Variants in CATSPERB observed in about 807,000 individuals in gnomAD.
CATSPERB encodes the protein catsper channel auxiliary subunit beta.
Under a neutral mutation model 128.3 loss-of-function variants are expected in CATSPERB, and 93 were observed. The ratio of observed to expected loss-of-function variants is 0.72; its 90% CI spans 0.61 to 0.86. The LOEUF is 0.86. Among genes scored for constraint, CATSPERB ranks in the 40% least tolerant of loss-of-function variants. The pLI is 0.00. For missense variants in CATSPERB, 1,153 were observed against 1,329.5 expected (o/e 0.87, Z 2.06); for synonymous variants, 381 against 448.8 (o/e 0.85, Z 1.91).
At chr14:91,611,824 G>A (rs1195107675) in intron 20 of CATSPERB, among the ~76,000 whole-genome samples, 1 of 152,022 alleles carries the variant, frequency 6.6e-6, no homozygotes, top group Non-Finnish European at 1.5e-5. Context: ...ACATATATGT[G>A]TCTTACAACA....
At chr14:91,618,165 T>C (rs1893980634) in intron 19 of CATSPERB, among the ~76,000 whole-genome samples, 2 of 152,316 alleles carry the variant, frequency 1.3e-5, no homozygotes, top group African/African-American at 4.8e-5. Context: ...GCCATGGCAT[T>C]TGTAAACTGT....
chr14:91,634,937 A>G (rs1016705033), intron 17 of CATSPERB, among the ~76,000 whole-genome samples: 1 of 151,792 alleles, frequency 6.6e-6, no homozygotes, highest in Non-Finnish European at 1.5e-5. Context: ...TAAACAGCAG[A>G]AATTTATTTC....
At chr14:91,615,948 C>T (rs1465218813) in intron 20 of CATSPERB, among the ~76,000 whole-genome samples, 2 of 144,656 alleles carry the variant, frequency 1.4e-5, no homozygotes, top group Non-Finnish European at 3.0e-5. Flanking sequence ...GGTGTGATCT[C>T]GGCTCACTGC....
chr14:91,655,056 A>G (rs547574441), intron 15 of CATSPERB, among the ~76,000 whole-genome samples: 27 of 152,372 alleles, frequency 1.8e-4, no homozygotes, highest in Admixed American at 1.6e-3. Context: ...TGGATCTTAC[A>G]TAAGACCACC....
At chr14:91,648,435 C>T (rs1894643652) in intron 15 of CATSPERB, among the ~76,000 whole-genome samples, 1 of 152,136 alleles carries the variant, frequency 6.6e-6, no homozygotes, top group African/African-American at 2.4e-5. Flanking sequence ...ATCTTAATTC[C>T]TCTACATGGA....
chr14:91,684,679 A>T (rs1378717299), intron 10 of CATSPERB, among the ~76,000 whole-genome samples: 1 of 150,092 alleles, frequency 6.7e-6, no homozygotes, highest in Non-Finnish European at 1.5e-5. Context: ...CAGTAGCACA[A>T]TTTCGGCTCA....
chr14:91,641,305 C>G (rs892639094), intron 15 of CATSPERB, among the ~76,000 whole-genome samples: 1 of 148,236 alleles, frequency 6.7e-6, no homozygotes, highest in Non-Finnish European at 1.5e-5. Flanking sequence ...ACATGAAGTC[C>G]TTGCCCATGC....
intron 5 of CATSPERB, among the ~76,000 whole-genome samples, chr14:91,712,133 T>C (rs1455673339): frequency 6.6e-6 from 1 of 152,136 alleles, no homozygotes; most frequent in Non-Finnish European, 1.5e-5. Context: ...CTCAAATCAA[T>C]TACAGTAAGT....
chr14:91,605,374 T>A, intron 22 of CATSPERB: 1 of 600,966 alleles, frequency 1.7e-6, no homozygotes, highest in Non-Finnish European at 2.9e-6. Context: ...GAAAAAAGGT[T>A]AAGGTGGCTT....
intron 10 of CATSPERB, among the ~76,000 whole-genome samples, chr14:91,685,782 C>A: frequency 6.6e-6 from 1 of 152,154 alleles, no homozygotes; most frequent in East Asian, 1.9e-4. Flanking sequence ...TTAGCACATT[C>A]AGGGAAGGTG....
At chr14:91,610,457 T>C (rs374395155) in intron 21 of CATSPERB, 23 bp downstream of exon 21, 390 of 1,599,594 alleles carry the variant, frequency 2.4e-4, no homozygotes, top group South Asian at 5.6e-5. Flanking sequence ...CTTAAACCAA[T>C]ATACTTAGAT....
intron 24 of CATSPERB, among the ~76,000 whole-genome samples, chr14:91,588,658 G>T (rs1893346190): frequency 6.6e-6 from 1 of 152,102 alleles, no homozygotes; most frequent in African/African-American, 2.4e-5. Context: ...AGCTGTGATT[G>T]TAATTTCCAA....
intron 6 of CATSPERB, among the ~76,000 whole-genome samples, chr14:91,707,218 A>T (rs1438076141): frequency 2.6e-5 from 4 of 152,208 alleles, no homozygotes; most frequent in African/African-American, 9.6e-5. Flanking sequence ...CCTCAAACAG[A>T]TCAATCTCAT....
chr14:91,654,474 T>C (rs916157261), intron 15 of CATSPERB, among the ~76,000 whole-genome samples: 4 of 152,164 alleles, frequency 2.6e-5, no homozygotes, highest in African/African-American at 9.7e-5. Context: ...CAGGGGGTAA[T>C]TGCCATGGGC....
At chr14:91,685,062 G>A (rs1895350025) in intron 10 of CATSPERB, among the ~76,000 whole-genome samples, 1 of 152,066 alleles carries the variant, frequency 6.6e-6, no homozygotes, top group African/African-American at 2.4e-5. Context: ...AAACAGCTGG[G>A]ACTACAGGTG....
intron 15 of CATSPERB, among the ~76,000 whole-genome samples, chr14:91,640,378 A>G (rs975521289): frequency 2.0e-5 from 2 of 98,128 alleles, no homozygotes; most frequent in African/African-American, 4.5e-5. Flanking sequence ...ATATCTCCCA[A>G]TGCTATCCCT....
chr14:91,668,171 G>A (rs1165415220), intron 14 of CATSPERB, among the ~76,000 whole-genome samples: 1 of 152,208 alleles, frequency 6.6e-6, no homozygotes, highest in Non-Finnish European at 1.5e-5. Flanking sequence ...GTTTAGAGGG[G>A]AGATTGAGAG....
chr14:91,628,287 G>T (rs192195143), intron 17 of CATSPERB, among the ~76,000 whole-genome samples: 2 of 152,180 alleles, frequency 1.3e-5, no homozygotes, highest in South Asian at 2.1e-4. Flanking sequence ...GGCATAATCT[G>T]ATCTCCTACA....
chr14:91,693,088 T>C, intron 9 of CATSPERB, 38 bp downstream of exon 9: 3 of 1,287,806 alleles, frequency 2.3e-6, no homozygotes, highest in Non-Finnish European at 3.3e-6. Context: ...ACAGAAGATA[T>C]TTAAGATTAG....
Sources: allele counts gnomAD v4.1 joint callset (sites outside exome capture counted in the v4.1 genomes callset), GRCh38; gene constraint gnomAD v4.1.1; transcripts MANE v1.5; gene names NCBI Gene and HGNC (gene_info 2026-07-23, HGNC 2026-07-21).